Variants in MACF1 observed in about 807,000 individuals in gnomAD.
MACF1 encodes microtubule-actin cross-linking factor 1.
A neutral mutation model predicts 854.8 loss-of-function variants in MACF1; 193 were observed. That is an observed-to-expected ratio of 0.23 (90% CI 0.20 to 0.25). The LOEUF (loss-of-function observed/expected upper bound fraction) is 0.25, where lower values mean the gene tolerates loss of function less well. Ranked by LOEUF, MACF1 falls within the 10% of genes least tolerant of loss-of-function variation. The pLI is 1.00. For missense variants in MACF1, 7,722 were observed against 8,929.1 expected (o/e 0.86, Z 5.45); for synonymous variants, 3,185 against 3,226.7 (o/e 0.99, Z 0.44).
intron 4 of MACF1, chr1:39,254,083 C>T (rs1333213400): frequency 7.6e-6 from 4 of 529,282 alleles, no homozygotes; most frequent in East Asian, 3.1e-5. Context: ...TTGCGAGATG[C>T]GTAGTGGTAC....
rs1646734354 is a variant in MACF1 at position 39,331,945 on chromosome 1, TG to T, written c.5359del (p.Glu1787LysfsTer4). ...CCAAGAACAGGACACAGACTTACAG[TG>T]GAAGAGGCTGTAAGACATAATCTGA... is the stretch of plus-strand genomic sequence containing the variant. ...VDPRTGHRLT[V>X]EEAVRHNLID... is the part of the protein sequence containing the mutation. On this transcript the variant is annotated frameshift_variant, in exon 37 of 101. Transcript: ENST00000564288. LOFTEE classifies it high-confidence loss of function. 6.2e-7 allele frequency: 1 copy of T among 1,613,896 alleles called. No homozygotes were observed. The highest frequency in any genetic ancestry group is 1.3e-5 in the African/African-American group (1 of 74,874).
At chr1:39,179,681 GT>G (rs1399255198) in intron 2 of MACF1, among the ~76,000 whole-genome samples, 1 of 152,064 alleles carries the variant, frequency 6.6e-6, no homozygotes, top group Non-Finnish European at 1.5e-5. Context: ...CCTTTTGCCT[GT>G]TTTTCCCAGT....
At chr1:39,303,139 G>A (rs1452634223) in intron 23 of MACF1, 61 bp downstream of exon 23, 5 of 1,567,008 alleles carry the variant, frequency 3.2e-6, no homozygotes, top group Middle Eastern at 2.0e-4. Context: ...GTGAACCAGT[G>A]GAGGGATGAG....
rs1646412457 is a variant in MACF1 at position 39,316,377 on chromosome 1, A to G, written c.3450-14A>G. 1.9e-6 allele frequency: 3 copies of G among 1,596,928 alleles called. No individual in the cohort carries two copies. Among genetic ancestry groups the G allele is most frequent in the African/African-American group, 2.7e-5 (2 of 74,476 alleles). On this transcript the variant is annotated splice_polypyrimidine_tract_variant and intron_variant, in intron 27 of 100. Coordinates refer to ENST00000564288, the MANE Select transcript of MACF1 (RefSeq NM_001394062.1). ...TTCATGTGTTAATGAAGGAATGTGT[A>G]TTTGTCCCCACAGGTTAAAGACAGT... is the stretch of plus-strand genomic sequence containing the variant.
At chr1:39,356,948 A>T (rs143520448) in intron 44 of MACF1, among the ~76,000 whole-genome samples, 198 of 152,332 alleles carry the variant, frequency 1.3e-3, no homozygotes, top group African/African-American at 4.6e-3. Flanking sequence ...TGAAAACCAT[A>T]AAGTCCTATA....
chr1:39,155,859 A>C (rs1451886494), intron 2 of MACF1, among the ~76,000 whole-genome samples: 5 of 150,168 alleles, frequency 3.3e-5, no homozygotes, highest in Non-Finnish European at 7.4e-5. Context: ...AGCTGGGATT[A>C]CAGGGGTCCA....
intron 2 of MACF1, among the ~76,000 whole-genome samples, chr1:39,091,147 C>T (rs187754913): frequency 1.1e-3 from 175 of 152,340 alleles, no homozygotes; most frequent in African/African-American, 4.0e-3. Context: ...CTGTGCCCCA[C>T]CCCTACCCCA....
chr1:39,234,799 G>T lies in MACF1; in HGVS notation c.171+3556G>T, dbSNP rs1231927431. Among the ~76,000 whole-genome samples the T allele has an allele frequency of 3.0e-5, 3 of 99,084 alleles. No homozygotes were observed. The South Asian group carries it at 1.5e-3, about 50-fold the overall frequency. The allele number at this position is 99,084 out of a possible 152,430, so 65.0% of individuals were successfully genotyped here. A position where few individuals can be genotyped will look rare whatever the true frequency, so the allele number is the denominator to read the frequency against. On this transcript the variant is annotated intron_variant, in intron 2 of 100. Coordinates refer to ENST00000564288, the MANE Select transcript of MACF1 (RefSeq NM_001394062.1). ...TCCTCACTTCTCAGACGGGGCGGCCGGGCAGAGATGCTCCTCACCTCCCAG... is the reference window on the plus strand; with the variant it reads ...TCCTCACTTCTCAGACGGGGCGGCCTGGCAGAGATGCTCCTCACCTCCCAG...
intron 49 of MACF1, among the ~76,000 whole-genome samples, chr1:39,366,963 T>C (rs1225163067): frequency 6.9e-6 from 1 of 143,928 alleles, no homozygotes; most frequent in Non-Finnish European, 1.5e-5. Flanking sequence ...TTTTTTTTTT[T>C]TGGAGGCGGA....
At chr1:39,109,842 A>G (rs1031578474) in intron 2 of MACF1, among the ~76,000 whole-genome samples, 1 of 152,178 alleles carries the variant, frequency 6.6e-6, no homozygotes, top group Non-Finnish European at 1.5e-5. Context: ...CTAAGTGAGA[A>G]ATTGTGAAAA....
intron 15 of MACF1, 152 bp downstream of exon 15, chr1:39,287,714 C>G: frequency 5.8e-6 from 5 of 859,568 alleles, no homozygotes; most frequent in Non-Finnish European, 7.1e-6. Context: ...GCTATGTTGC[C>G]CAGGCTGGAC....
Position 39,333,622 on chromosome 1 carries a change from C to G in MACF1, c.7034C>G (p.Thr2345Arg), listed in dbSNP as rs1474430611. Residue 2345 changes from threonine to arginine, a missense_variant, in exon 37 of 101, where the codon ACA becomes AGA. By Grantham distance (71) the Thr-to-Arg change is moderately conservative (BLOSUM62 -1). Coordinates refer to ENST00000564288, the MANE Select transcript of MACF1 (RefSeq NM_001394062.1). ...GACTCTCAGACTTGTGAGTCTTTGA[C>G]AACTGAAGAAGTCATTAATGAAGGT... is the stretch of plus-strand genomic sequence containing the variant. ...FFDSQTCESL[T>R]TEEVINEGLM... 1.2e-6 allele frequency: 2 copies of G among 1,614,024 alleles called. No individual in the cohort carries two copies. The highest frequency in any genetic ancestry group is 1.7e-6 in the Non-Finnish European group (2 of 1,180,030).
intron 53 of MACF1, 73 bp downstream of exon 53, chr1:39,378,596 G>A (rs2148551898): frequency 1.4e-6 from 2 of 1,391,240 alleles, no homozygotes; most frequent in South Asian, 1.2e-5. Context: ...ATCTGTGTAT[G>A]TTGCAATATG....
rs566960917 is a variant in MACF1 at position 39,321,347 on chromosome 1, A to G, written c.4030-1261A>G. Among the ~76,000 whole-genome samples the G allele has an allele frequency of 8.2e-4, 125 of 152,362 alleles. 1 individual carries two copies. The highest frequency in any genetic ancestry group is 8.8e-5 in the Non-Finnish European group (6 of 68,036). ...AATGTATACATAGGACCATGCCTCA[A>G]ACTTAAAGTGCACTCAGTAAGTGGT... On this transcript the variant is annotated intron_variant, in intron 31 of 100. Transcript: ENST00000564288.
chr1:39,459,738 AAAAAT>A, intron 91 of MACF1: 1 of 988,922 alleles, frequency 1.0e-6, no homozygotes, highest in East Asian at 6.0e-5. Flanking sequence ...ACCCAGTATA[AAAAAT>A]ATAGTACTAT....
Position 39,447,773 on chromosome 1 carries a change from C to G in MACF1, c.19843C>G (p.Gln6615Glu). 6.2e-7 allele frequency: 1 copy of G among 1,613,920 alleles called. No homozygotes were observed. Among genetic ancestry groups the G allele is most frequent in the South Asian group, 1.1e-5 (1 of 91,046 alleles). Residue 6615 changes from glutamine (Q) to glutamate (E), a missense_variant, in exon 82 of 101, where the codon CAA becomes GAA. This residue lies in a region of MACF1 where 729 missense variants were observed against 900.5 expected (regional missense o/e 0.81). Coordinates refer to ENST00000564288, the MANE Select transcript of MACF1 (RefSeq NM_001394062.1). ...QTGNQLKFLS[Q>E]KQDVVLIKNL... ...TGGGAATCAATTAAAGTTCCTTAGC[C>G]AAAAGCAGGATGTTGTTCTGATCAA...
intron 20 of MACF1, 64 bp downstream of exon 20, chr1:39,295,946 C>CGCAGATGTGTTTGTA: frequency 1.4e-6 from 2 of 1,404,084 alleles, no homozygotes; most frequent in Non-Finnish European, 2.0e-6. Context: ...AGGTTACAAA[C>CGCAGATGTGTTTGTA]ACATCTGCGT....
chr1:39,368,281 A>T lies in MACF1; in HGVS notation c.12905A>T (p.Asp4302Val). ...GACAGGGTACAGAATCTAAGAAAAG[A>T]CTTCACAGAGCTACAGAAGACAGTT... ...HQDRVQNLRK[D>V]FTELQKTVKE... is the part of the protein sequence containing the mutation. The change falls in exon 50 of 101, where the codon GAC (aspartate) becomes GTC (valine). Residue 4302 changes from aspartate to valine, a missense_variant. Coordinates refer to ENST00000564288, the MANE Select transcript of MACF1 (RefSeq NM_001394062.1). The T allele has an allele frequency of 6.2e-7, 1 of 1,614,020 alleles. No individual in the cohort carries two copies. The highest frequency in any genetic ancestry group is 8.5e-7 in the Non-Finnish European group (1 of 1,179,922).
chr1:39,090,917 T>G (rs1158898363), intron 2 of MACF1, among the ~76,000 whole-genome samples: 1 of 152,226 alleles, frequency 6.6e-6, no homozygotes, highest in Non-Finnish European at 1.5e-5. Flanking sequence ...TTCTGGTTGC[T>G]GTGGCTAGGG....
Sources: allele counts gnomAD v4.1 joint callset (sites outside exome capture counted in the v4.1 genomes callset), GRCh38; gene constraint gnomAD v4.1.1; regional missense constraint gnomAD v4.1.1; transcripts MANE v1.5; gene names NCBI Gene and HGNC (gene_info 2026-07-23, HGNC 2026-07-21).